Variants in CPPED1 observed in about 807,000 individuals in gnomAD.
The protein encoded by CPPED1 is calcineurin like phosphoesterase domain containing 1.
Under a neutral mutation model 28.0 loss-of-function variants are expected in CPPED1, and 28 were observed. That is an observed-to-expected ratio of 1.00 (90% CI 0.74 to 1.37). The LOEUF (loss-of-function observed/expected upper bound fraction) is 1.37. CPPED1 is among the 40% of genes most tolerant of loss of function. CPPED1 has a pLI of 0.00. For missense variants in CPPED1, 504 were observed against 416.5 expected (o/e 1.21, Z -1.83); for synonymous variants, 198 against 180.2 (o/e 1.10, Z -0.79).
chr16:12,696,510 G>A (rs769171939), intron 3 of CPPED1, among the ~76,000 whole-genome samples: 7 of 147,996 alleles, frequency 4.7e-5, no homozygotes, highest in Admixed American at 1.4e-4. Flanking sequence ...GCGTGATCTC[G>A]GCTCACTGCA....
At chr16:12,702,414 T>C (rs2080025308) in intron 3 of CPPED1, among the ~76,000 whole-genome samples, 1 of 152,060 alleles carries the variant, frequency 6.6e-6, no homozygotes, top group Non-Finnish European at 1.5e-5. Flanking sequence ...GGTGTGTGCC[T>C]ATAGTCCCAG....
At chr16:12,692,496 A>G (rs2079968734) in intron 3 of CPPED1, among the ~76,000 whole-genome samples, 1 of 152,192 alleles carries the variant, frequency 6.6e-6, no homozygotes, top group Non-Finnish European at 1.5e-5. Context: ...CACTGTCTCA[A>G]GGTACTGGAT....
rs1442231731 is a variant in CPPED1, at chr16:12,663,482, C to T, written c.*1404G>A. 2 of 152,166 alleles carry T rather than the reference C, an allele frequency of 1.3e-5. No individual in the cohort carries two copies. The highest frequency in any genetic ancestry group is 6.5e-5 in the Admixed American group (1 of 15,276). The allele number at this position is 152,166 out of a possible 1,614,324, so 9.4% of individuals were successfully genotyped here. A position where few individuals can be genotyped will look rare whatever the true frequency, so the allele number is the denominator to read the frequency against. Reference sequence around the variant, plus strand: ...TTTCAGCAAAACACTAAAAGAAGAGCGTTCTAGTTTTTTAAAAAATTTAAT... The same window carrying T: ...TTTCAGCAAAACACTAAAAGAAGAGTGTTCTAGTTTTTTAAAAAATTTAAT... On this transcript the variant is annotated 3_prime_UTR_variant, in exon 4 of 4. Coordinates refer to ENST00000381774, the MANE Select transcript of CPPED1 (RefSeq NM_018340.3).
At chr16:12,681,351 C>G (rs745631981) in intron 3 of CPPED1, among the ~76,000 whole-genome samples, 2 of 152,164 alleles carry the variant, frequency 1.3e-5, no homozygotes, top group Non-Finnish European at 1.5e-5. Context: ...TTCCTCCTCA[C>G]TCTTGCCAGG....
intron 2 of CPPED1, among the ~76,000 whole-genome samples, chr16:12,750,854 G>A (rs1488561448): frequency 6.6e-6 from 1 of 152,062 alleles, no homozygotes; most frequent in Non-Finnish European, 1.5e-5. Flanking sequence ...GTCTATACCA[G>A]CTACTCGGGA....
chr16:12,802,874 G>C (rs556244956), intron 1 of CPPED1, among the ~76,000 whole-genome samples: 1 of 152,182 alleles, frequency 6.6e-6, no homozygotes, highest in East Asian at 1.9e-4. Context: ...AACCCTGAAG[G>C]AAGTGGACAC....
Position 12,767,362 on chromosome 16 carries a change from C to A in CPPED1, c.289+13823G>T, listed in dbSNP as rs796700475. On this transcript the variant is annotated intron_variant, in intron 2 of 3. Coordinates refer to ENST00000381774, the MANE Select transcript of CPPED1 (RefSeq NM_018340.3). ...CCCTCAATGCATTGGATGATGCCTG[C>A]CCAAAATAGTGAAGGCATATCTTCT... 1.6e-4 allele frequency among the ~76,000 whole-genome samples: 24 copies of A among 152,268 alleles called. 1 individual carries two copies. Among genetic ancestry groups the A allele is most frequent in the African/African-American group, 5.3e-4 (22 of 41,554 alleles).
At chr16:12,800,820 T>A (rs953788280) in intron 1 of CPPED1, among the ~76,000 whole-genome samples, 1 of 152,108 alleles carries the variant, frequency 6.6e-6, no homozygotes, top group African/African-American at 2.4e-5. Context: ...CTGCCCATGG[T>A]CCACATGGTC....
intron 2 of CPPED1, among the ~76,000 whole-genome samples, chr16:12,765,905 C>G (rs2080435287): frequency 6.6e-6 from 1 of 152,082 alleles, no homozygotes; most frequent in African/African-American, 2.4e-5. Context: ...TAATTGAACC[C>G]CTTTGGGATC....
chr16:12,736,831 C>T (rs2080229130), intron 2 of CPPED1, among the ~76,000 whole-genome samples: 1 of 152,086 alleles, frequency 6.6e-6, no homozygotes, highest in Non-Finnish European at 1.5e-5. Context: ...TTAGATGGTG[C>T]TAAGTGTTAC....
At chr16:12,780,989 T>C (rs2080526980) in intron 2 of CPPED1, 196 bp downstream of exon 2, 2 of 590,510 alleles carry the variant, frequency 3.4e-6, no homozygotes, top group Admixed American at 6.0e-5. Context: ...ATTACTGTGA[T>C]TAATCTCGCC....
intron 2 of CPPED1, among the ~76,000 whole-genome samples, chr16:12,713,770 C>T (rs1176925108): frequency 6.6e-6 from 1 of 152,122 alleles, no homozygotes; most frequent in East Asian, 1.9e-4. Flanking sequence ...CTAATCTCCC[C>T]TCCACTAATA....
chr16:12,757,969 T>C (rs1364295087), intron 2 of CPPED1: 1 of 151,898 alleles, frequency 6.6e-6, no homozygotes, highest in African/African-American at 2.4e-5. Flanking sequence ...GTATCCACTC[T>C]TTGTCATAGG....
At chr16:12,792,331 C>T (rs1372849852) in intron 1 of CPPED1, among the ~76,000 whole-genome samples, 2 of 152,118 alleles carry the variant, frequency 1.3e-5, no homozygotes, top group South Asian at 2.1e-4. Context: ...TGACACATAA[C>T]AATGTCTACA....
chr16:12,789,745 T>C (rs2080585288), intron 1 of CPPED1, among the ~76,000 whole-genome samples: 1 of 152,164 alleles, frequency 6.6e-6, no homozygotes, highest in African/African-American at 2.4e-5. Context: ...CAGGCTGGTC[T>C]AGAACTCCTG....
intron 1 of CPPED1, among the ~76,000 whole-genome samples, chr16:12,790,324 G>A (rs1248577341): frequency 1.3e-5 from 2 of 152,108 alleles, no homozygotes; most frequent in African/African-American, 2.4e-5. Context: ...AGGCATATTT[G>A]TCAATGTTAA....
chr16:12,772,081 CCGCTGCACT>C (rs1192289498), intron 2 of CPPED1, among the ~76,000 whole-genome samples: 3 of 152,144 alleles, frequency 2.0e-5, no homozygotes, highest in African/African-American at 4.8e-5. Context: ...TGAGATCGTA[CCGCTGCACT>C]CCAGCCTGGG....
intron 3 of CPPED1, among the ~76,000 whole-genome samples, chr16:12,665,733 G>C (rs534402422): frequency 6.6e-6 from 1 of 152,182 alleles, no homozygotes; most frequent in Non-Finnish European, 1.5e-5. Flanking sequence ...TTTGAGACCA[G>C]CGTGGCCAAT....
chr16:12,670,107 G>A lies in CPPED1; in HGVS notation c.716-4992C>T, dbSNP rs770771155. Among the ~76,000 whole-genome samples the A allele has an allele frequency of 2.6e-5, 4 of 152,088 alleles. No individual in the cohort carries two copies. The highest frequency in any genetic ancestry group is 5.9e-5 in the Non-Finnish European group (4 of 68,018). On this transcript the variant is annotated intron_variant, in intron 3 of 3. Coordinates refer to ENST00000381774, the MANE Select transcript of CPPED1 (RefSeq NM_018340.3). This position sits in a 1 kb window ranked among gnomAD's most constrained non-coding sequence, Gnocchi z 4.2. ...TGAGGCCAGGAGTTCGACCAGCCTG[G>A]GCAACACAGTGAGATCCCGTCTCTA...
Sources: allele counts gnomAD v4.1 joint callset (sites outside exome capture counted in the v4.1 genomes callset), GRCh38; gene constraint gnomAD v4.1.1; non-coding constraint Gnocchi (gnomAD v3.1); transcripts MANE v1.5; gene names NCBI Gene and HGNC (gene_info 2026-07-23, HGNC 2026-07-21).